CNTLN: variants seen among roughly 807,000 people sequenced by gnomAD.
The protein encoded by CNTLN is centlein.
In CNTLN, 212 loss-of-function variants were observed where a neutral mutation model predicts 180.0. The ratio of observed to expected loss-of-function variants is 1.18; its 90% CI spans 1.05 to 1.32. The LOEUF (loss-of-function observed/expected upper bound fraction) is 1.32, where lower values mean the gene tolerates loss of function less well. Ranked by LOEUF, CNTLN falls within the 40% of genes most tolerant of loss-of-function variation. The pLI, the probability that CNTLN is intolerant of heterozygous loss-of-function variation, is 0.00. For synonymous variants in CNTLN, 722 were observed against 563.1 expected (o/e 1.28, Z -3.99); for missense variants, 2,095 against 1,610.9 (o/e 1.30, Z -5.14).
intron 2 of CNTLN, among the ~76,000 whole-genome samples, chr9:17,207,399 G>A (rs769730996): frequency 3.3e-5 from 5 of 152,072 alleles, no homozygotes; most frequent in Admixed American, 1.3e-4. Flanking sequence ...GTGCCACTGG[G>A]TATGAAAAAA....
intron 8 of CNTLN, among the ~76,000 whole-genome samples, chr9:17,309,730 G>T (rs1818993264): frequency 6.6e-6 from 1 of 151,980 alleles, no homozygotes; most frequent in African/African-American, 2.4e-5. Flanking sequence ...GGTAAATGAA[G>T]GTAGTATAAA....
intron 2 of CNTLN, among the ~76,000 whole-genome samples, chr9:17,214,835 T>G (rs1366972465): frequency 6.6e-6 from 1 of 152,240 alleles, no homozygotes; most frequent in Non-Finnish European, 1.5e-5. Context: ...TTTCTTCCAG[T>G]TGATCAAATT....
At chr9:17,465,124 GT>G (rs78207270) in intron 21 of CNTLN, among the ~76,000 whole-genome samples, 5,943 of 136,424 alleles carry the variant, frequency 0.044, 159 homozygotes, top group South Asian at 0.12. Context: ...GGTTTTTTTT[GT>G]TTTTTTTTTT....
At chr9:17,468,197 C>T (rs1232761489) in intron 23 of CNTLN, among the ~76,000 whole-genome samples, 1 of 151,584 alleles carries the variant, frequency 6.6e-6, no homozygotes, top group African/African-American at 2.4e-5. Flanking sequence ...ATTGAGTACA[C>T]ATGGACACAA....
intron 3 of CNTLN, among the ~76,000 whole-genome samples, chr9:17,234,030 T>C (rs1311392597): frequency 6.6e-6 from 1 of 152,162 alleles, no homozygotes; most frequent in African/African-American, 2.4e-5. Flanking sequence ...GTACAGGACC[T>C]CTCCTTTTAC....
chr9:17,200,370 A>G (rs552968654), intron 2 of CNTLN, among the ~76,000 whole-genome samples: 2 of 152,182 alleles, frequency 1.3e-5, no homozygotes, highest in Admixed American at 6.5e-5. Flanking sequence ...TAATTGTGCT[A>G]AGAAAGTCAG....
At chr9:17,141,105 A>G (rs1818057685) in intron 1 of CNTLN, among the ~76,000 whole-genome samples, 3 of 152,158 alleles carry the variant, frequency 2.0e-5, no homozygotes, top group Admixed American at 1.3e-4. Context: ...CAGCACTTAT[A>G]TTTCATTGAC....
intron 12 of CNTLN, among the ~76,000 whole-genome samples, chr9:17,358,075 C>T (rs1822990991): frequency 6.6e-6 from 1 of 151,786 alleles, no homozygotes; most frequent in Non-Finnish European, 1.5e-5. Flanking sequence ...GTAGTTTTAT[C>T]TAGGGAATAT....
At chr9:17,313,617 A>G (rs949914467) in intron 8 of CNTLN, among the ~76,000 whole-genome samples, 1 of 152,086 alleles carries the variant, frequency 6.6e-6, no homozygotes, top group Non-Finnish European at 1.5e-5. Context: ...CATTATAGTA[A>G]TCCATCTTGT....
chr9:17,189,688 T>C (rs1587070508), intron 2 of CNTLN, among the ~76,000 whole-genome samples: 1 of 151,786 alleles, frequency 6.6e-6, no homozygotes, highest in Non-Finnish European at 1.5e-5. Flanking sequence ...GGTTTCCCTA[T>C]GTTGGCCAGG....
chr9:17,240,890 G>A (rs570442766), intron 5 of CNTLN, among the ~76,000 whole-genome samples: 2 of 151,726 alleles, frequency 1.3e-5, no homozygotes, highest in African/African-American at 4.8e-5. Flanking sequence ...GTGGAGTCTC[G>A]CTCTGTCACC....
At position 17,178,670 on chromosome 9, in the gene CNTLN, C is replaced by T. The variant is rs184035354; in HGVS notation, c.449+35294C>T. ...GCCCGGGGCCTGCCGGCTGGCCGGC[C>T]GCTCCAAGTGCGGGGACCACCGAGC... On this transcript the variant is annotated intron_variant, in intron 2 of 25. Transcript: ENST00000380647. 7.3e-3 allele frequency among the ~76,000 whole-genome samples: 793 copies of T among 107,946 alleles called. 11 individuals are homozygous for T. The highest frequency in any genetic ancestry group is 0.026 in the African/African-American group (731 of 28,596). 70.8% of individuals were successfully genotyped at this position (107,946 alleles called of 152,430 possible). A position where few individuals can be genotyped will look rare whatever the true frequency, so the allele number is the denominator to read the frequency against.
At position 17,502,777 on chromosome 9, in the gene CNTLN, A is replaced by T; in HGVS notation, c.*125A>T. ...CAATAGTCAGGTTCAATACCAAAATAAGAAGTCTCTGAAAATAATTAATTG... is the reference window on the plus strand; with the variant it reads ...CAATAGTCAGGTTCAATACCAAAATTAGAAGTCTCTGAAAATAATTAATTG... On this transcript the variant is annotated 3_prime_UTR_variant, in exon 26 of 26. Transcript: ENST00000380647. 2.4e-6 allele frequency: 1 copy of T among 420,234 alleles called. No individual in the cohort carries two copies. Among genetic ancestry groups the T allele is most frequent in the East Asian group, 4.0e-5 (1 of 25,180 alleles). The allele number at this position is 420,234 out of a possible 1,614,324, so 26.0% of individuals were successfully genotyped here.
chr9:17,390,766 G>A (rs1010951394), intron 14 of CNTLN, among the ~76,000 whole-genome samples: 4 of 152,076 alleles, frequency 2.6e-5, no homozygotes, highest in African/African-American at 9.7e-5. Flanking sequence ...AAGTGCTATG[G>A]ATTTTCCCTT....
At chr9:17,355,915 T>A (rs1049920163) in intron 12 of CNTLN, among the ~76,000 whole-genome samples, 8 of 151,542 alleles carry the variant, frequency 5.3e-5, no homozygotes, top group Admixed American at 5.3e-4. Context: ...ATACAAAAAA[T>A]TAGCCAGGTG....
At chr9:17,189,123 C>CCCAAGCTG (rs900266228) in intron 2 of CNTLN, among the ~76,000 whole-genome samples, 2 of 130,600 alleles carry the variant, frequency 1.5e-5, no homozygotes, top group Non-Finnish European at 3.1e-5. Context: ...CCCTCTGTCG[C>CCCAAGCTG]CCAAGCTGGA....
At chr9:17,217,737 A>C (rs1274112297) in intron 2 of CNTLN, among the ~76,000 whole-genome samples, 3 of 152,186 alleles carry the variant, frequency 2.0e-5, no homozygotes, top group African/African-American at 7.2e-5. Flanking sequence ...CTACTCTTTT[A>C]TGTTGTTTTA....
chr9:17,292,876 C>T (rs1397305407), intron 6 of CNTLN, among the ~76,000 whole-genome samples: 2 of 152,090 alleles, frequency 1.3e-5, no homozygotes, highest in African/African-American at 4.8e-5. Context: ...GGAGAAGAGG[C>T]ACTTTGGCTT....
intron 2 of CNTLN, among the ~76,000 whole-genome samples, chr9:17,190,160 T>G (rs181658631): frequency 1.2e-4 from 18 of 148,936 alleles, no homozygotes; most frequent in Admixed American, 1.1e-3. Flanking sequence ...CTCTATCTAG[T>G]AAGCCGGGGG....
Sources: allele counts gnomAD v4.1 joint callset (sites outside exome capture counted in the v4.1 genomes callset), GRCh38; gene constraint gnomAD v4.1.1; transcripts MANE v1.5; gene names NCBI Gene and HGNC (gene_info 2026-07-23, HGNC 2026-07-21).